ZNF248: variants seen among roughly 807,000 people sequenced by gnomAD.
ZNF248 encodes KRAB protein domain.
A neutral mutation model predicts 44.3 loss-of-function variants in ZNF248; 20 were observed. The ratio of observed to expected loss-of-function variants is 0.45; its 90% CI spans 0.32 to 0.66. The LOEUF is 0.66. Among genes scored for constraint, ZNF248 ranks in the 30% least tolerant of loss-of-function variants. The pLI, the probability that ZNF248 is intolerant of heterozygous loss-of-function variation, is 0.04. For missense variants in ZNF248, 654 were observed against 677.0 expected (o/e 0.97, Z 0.38); for synonymous variants, 224 against 229.0 (o/e 0.98, Z 0.20).
chr10:37,847,793 G>C (rs1344238207), intron 3 of ZNF248, among the ~76,000 whole-genome samples: 2 of 152,196 alleles, frequency 1.3e-5, no homozygotes, highest in Non-Finnish European at 2.9e-5. Flanking sequence ...CAAAGTAAAA[G>C]TGAGAGAACT....
At chr10:37,796,136 A>G (rs2049126951) in intron 6 of ZNF248, 2 of 152,194 alleles carry the variant, frequency 1.3e-5, no homozygotes, top group African/African-American at 2.4e-5. Flanking sequence ...ACTATGGGAA[A>G]TAATATTTTG....
intron 3 of ZNF248, among the ~76,000 whole-genome samples, chr10:37,838,925 A>G (rs1454280875): frequency 2.6e-5 from 4 of 152,180 alleles, no homozygotes; most frequent in African/African-American, 9.7e-5. Context: ...AAAAAGGTTA[A>G]TACAGCAAGC....
At chr10:37,765,203 C>A in the ZNF248 span, among the ~76,000 whole-genome samples, 440 of 152,190 alleles carry the variant, frequency 2.9e-3, 2 homozygotes, top group African/African-American at 0.01. Context: ...GTGATCTGCC[C>A]ACCTCGGCCT....
chr10:37,847,102 C>T (rs1462427588), intron 3 of ZNF248, among the ~76,000 whole-genome samples: 2 of 152,226 alleles, frequency 1.3e-5, no homozygotes, highest in African/African-American at 2.4e-5. Flanking sequence ...GTGGCACAAT[C>T]TCATCTCACT....
chr10:37,826,338 A>T (rs2133767292), downstream of ZNF248, among the ~76,000 whole-genome samples: 1 of 152,320 alleles, frequency 6.6e-6, no homozygotes, highest in Admixed American at 6.5e-5. Flanking sequence ...CAGAGAGTGT[A>T]ACCGTATGAC....
downstream of ZNF248, among the ~76,000 whole-genome samples, chr10:37,827,124 C>A (rs2133781984): frequency 6.6e-6 from 1 of 152,286 alleles, no homozygotes; most frequent in East Asian, 1.9e-4. Context: ...ATGTCATGGG[C>A]ACCAGTCATG....
At chr10:37,842,997 C>T (rs2058625245) in intron 3 of ZNF248, among the ~76,000 whole-genome samples, 1 of 152,060 alleles carries the variant, frequency 6.6e-6, no homozygotes, top group Non-Finnish European at 1.5e-5. Context: ...TAAAGAGTAC[C>T]CCAGCGCAGA....
At chr10:37,840,550 G>T (rs1336791437) in intron 3 of ZNF248, among the ~76,000 whole-genome samples, 2 of 152,156 alleles carry the variant, frequency 1.3e-5, no homozygotes, top group African/African-American at 2.4e-5. Context: ...CAGGAATTTT[G>T]ATTCACAATT....
chr10:37,837,781 G>A, intron 4 of ZNF248, 69 bp from the exon 5 acceptor site: 1 of 1,451,456 alleles, frequency 6.9e-7, no homozygotes, highest in East Asian at 2.3e-5. Context: ...ATACATCATG[G>A]GGAAGAAAGG....
chr10:37,818,654 C>A (rs1285516171), intron 6 of ZNF248: 3 of 509,822 alleles, frequency 5.9e-6, no homozygotes, highest in African/African-American at 5.9e-5. Flanking sequence ...CAATAGCAGC[C>A]CCAGCAGGGC....
intron 6 of ZNF248, among the ~76,000 whole-genome samples, chr10:37,777,065 G>T (rs531312513): frequency 6.6e-6 from 1 of 152,030 alleles, no homozygotes; most frequent in East Asian, 1.9e-4. Flanking sequence ...GAACCACTCC[G>T]CATGGCACAT....
intron 5 of ZNF248, among the ~76,000 whole-genome samples, chr10:37,833,470 A>C (rs1005911080): frequency 6.6e-6 from 1 of 152,202 alleles, no homozygotes; most frequent in Admixed American, 6.5e-5. Flanking sequence ...CAACAGAGAC[A>C]ATGAACACTG....
chr10:37,852,481 G>A (rs910158037), intron 3 of ZNF248, among the ~76,000 whole-genome samples: 2 of 151,932 alleles, frequency 1.3e-5, no homozygotes, highest in African/African-American at 4.8e-5. Context: ...GTTGGCTGGG[G>A]TTGGGGAATG....
intron 6 of ZNF248, among the ~76,000 whole-genome samples, chr10:37,790,720 A>T (rs1421839111): frequency 1.3e-5 from 2 of 150,362 alleles, no homozygotes; most frequent in Non-Finnish European, 3.0e-5. Flanking sequence ...AAATAAATAA[A>T]TAAATAAATA....
chr10:37,837,488 G>C, intron 5 of ZNF248, 129 bp downstream of exon 5: 4 of 707,248 alleles, frequency 5.7e-6, no homozygotes, highest in Non-Finnish European at 9.4e-6. Flanking sequence ...AATTGTTTTT[G>C]ATCATTTCCA....
At position 37,832,309 on chromosome 10, in the gene ZNF248, C is replaced by T. The variant is rs776680317; in HGVS notation, c.1046G>A (p.Gly349Glu). ...ATTTTCATTGTAATCATAAGACTTTCCCCCCATGTGTACTATTTGATGTTT... is the reference window on the plus strand; with the variant it reads ...ATTTTCATTGTAATCATAAGACTTTTCCCCCATGTGTACTATTTGATGTTT... ...LLKHQIVHMG[G>E]KSYDYNENGS... Residue 349 changes from glycine to glutamate, a missense_variant, in exon 6 of 6, where the codon GGA becomes GAA. Gly to Glu is a moderately conservative substitution (Grantham distance 98). Coordinates refer to ENST00000395867, the MANE Select transcript of ZNF248 (RefSeq NM_021045.3). The T allele has an allele frequency of 1.9e-6, 3 of 1,613,858 alleles. No homozygotes were observed. The highest frequency in any genetic ancestry group is 1.7e-5 in the Admixed American group (1 of 59,976).
At chr10:37,825,593 C>T (rs563642907), downstream of ZNF248, among the ~76,000 whole-genome samples, 2 of 152,232 alleles carry the variant, frequency 1.3e-5, no homozygotes, top group East Asian at 3.9e-4. Flanking sequence ...GTGTGCACCA[C>T]CACACCCGGC....
At chr10:37,768,860 T>G in the ZNF248 span, among the ~76,000 whole-genome samples, 51 of 151,836 alleles carry the variant, frequency 3.4e-4, no homozygotes, top group African/African-American at 1.2e-3. Flanking sequence ...ATCAACAAAA[T>G]AGATAGACTG....
chr10:37,790,105 CAA>C lies in ZNF248; in HGVS notation c.331-13532_331-13531del, dbSNP rs35795208. On this transcript the variant is annotated intron_variant, in intron 6 of 6. Transcript: ENST00000615949. ...TGAAACCCCGTCTCTACTGAAAATA[CAA>C]AAAAAAAAAAAAAATGAGACAGGCG... 6.1e-3 allele frequency among the ~76,000 whole-genome samples: 755 copies of C among 123,034 alleles called. 8 individuals carry two copies. Among genetic ancestry groups the C allele is most frequent in the Middle Eastern group, 0.025 (6 of 242 alleles). 80.7% of individuals were successfully genotyped at this position (123,034 alleles called of 152,430 possible).
Sources: allele counts gnomAD v4.1 joint callset (sites outside exome capture counted in the v4.1 genomes callset), GRCh38; gene constraint gnomAD v4.1.1; transcripts MANE v1.5; gene names NCBI Gene and HGNC (gene_info 2026-07-23, HGNC 2026-07-21).